Variants in SBF2 observed in about 807,000 individuals in gnomAD.
SBF2 encodes the protein SET binding factor 2, also known as myotubularin-related protein 13.
A neutral mutation model predicts 225.2 loss-of-function variants in SBF2; 112 were observed. That is an observed-to-expected ratio of 0.50 (90% CI 0.43 to 0.58). The LOEUF (loss-of-function observed/expected upper bound fraction) is 0.58. SBF2 is among the 20% of genes least tolerant of loss of function. The probability of loss-of-function intolerance (pLI) is 0.00; values close to 1 mark genes in which losing one functional copy is unlikely to be tolerated. For synonymous variants in SBF2, 763 were observed against 773.3 expected (o/e 0.99, Z 0.22); for missense variants, 1,996 against 2,206.2 (o/e 0.90, Z 1.91).
At chr11:9,923,418 A>G (rs1863785363) in intron 16 of SBF2, among the ~76,000 whole-genome samples, 1 of 152,232 alleles carries the variant, frequency 6.6e-6, no homozygotes, top group African/African-American at 2.4e-5. Context: ...ACAGTGAGAC[A>G]AACTTTAGGG....
intron 2 of SBF2, among the ~76,000 whole-genome samples, chr11:10,126,689 T>C (rs575756087): frequency 6.6e-6 from 1 of 152,182 alleles, no homozygotes; most frequent in Non-Finnish European, 1.5e-5. Context: ...TGGGTATATA[T>C]CCAAAAGAAC....
intron 3 of SBF2, among the ~76,000 whole-genome samples, chr11:10,033,785 T>G (rs1022062858): frequency 2.0e-5 from 3 of 152,134 alleles, no homozygotes; most frequent in African/African-American, 7.2e-5. Context: ...TAATTTATCA[T>G]GTCAGAGGAA....
At chr11:9,863,707 G>T (rs1435750230) in intron 17 of SBF2, among the ~76,000 whole-genome samples, 1 of 150,774 alleles carries the variant, frequency 6.6e-6, no homozygotes, top group Admixed American at 6.6e-5. Context: ...TCCAAAACCT[G>T]GCTTTATCAA....
intron 16 of SBF2, chr11:9,958,430 T>A (rs1866333103): frequency 6.7e-6 from 1 of 148,554 alleles, no homozygotes; most frequent in African/African-American, 2.5e-5. Context: ...CAATCTCGGC[T>A]CACTGCAGGC....
intron 1 of SBF2, chr11:10,302,873 G>A (rs184384938): frequency 3.3e-4 from 50 of 152,436 alleles, no homozygotes; most frequent in Non-Finnish European, 6.5e-4. Context: ...TCCAGACCAC[G>A]GGACCTTCCC....
In SBF2 at chr11:9,853,131, T is replaced by C. The variant is rs538993648; in HGVS notation, c.2537-382A>G. Among the ~76,000 whole-genome samples the C allele has an allele frequency of 3.7e-4, 56 of 152,290 alleles. No individual in the cohort carries two copies. In the South Asian group the frequency reaches 4.8e-3, roughly 13 times the overall value. ...CGTATGAACCTTGAAAACATTATAC[T>C]AAATGAAATAAACCAAACCCAAAAG... On this transcript the variant is annotated intron_variant, in intron 20 of 39. Transcript: ENST00000256190.
chr11:10,141,525 G>A (rs1954644631), intron 2 of SBF2, among the ~76,000 whole-genome samples: 1 of 152,086 alleles, frequency 6.6e-6, no homozygotes, highest in African/African-American at 2.4e-5. Flanking sequence ...CTGTATGAAC[G>A]CTAGAAATCA....
intron 1 of SBF2, among the ~76,000 whole-genome samples, chr11:10,270,887 G>T (rs1962425280): frequency 6.6e-6 from 1 of 151,212 alleles, no homozygotes; most frequent in Non-Finnish European, 1.5e-5. Context: ...CCCAGCTACT[G>T]GGGAGGCTGA....
chr11:10,026,919 T>C (rs1000192084), intron 6 of SBF2, among the ~76,000 whole-genome samples: 4 of 152,140 alleles, frequency 2.6e-5, no homozygotes, highest in Non-Finnish European at 2.9e-5. Context: ...GGCTTAACTA[T>C]GCTCAGTGAG....
At chr11:9,967,935 GTCTGTCTGTCTGTCTCTC>G (rs1330008321) in intron 14 of SBF2, among the ~76,000 whole-genome samples, 3 of 114,560 alleles carry the variant, frequency 2.6e-5, no homozygotes, top group Non-Finnish European at 3.7e-5. Flanking sequence ...CTGTCTGTCT[GTCTGTCTGTCTGTCTCTC>G]TCTCTCTCTC....
Position 9,816,862 on chromosome 11 carries a change from A to C in SBF2, c.3956T>G (p.Phe1319Cys), listed in dbSNP as rs2133911307. The part of the protein sequence containing the change: ...LLKRQAALYI[F>C]GEKSQLRNFK... ...TACCCTTAGTTGCGACTTTTCACCA[A>C]ATATGTAAAGGGCTGCTTGCCGTTT... Residue 1319 changes from phenylalanine to cysteine, a missense_variant, in exon 29 of 40, where the codon TTT becomes TGT. Transcript: ENST00000256190. 2 of 1,614,160 alleles carry C rather than the reference A, an allele frequency of 1.2e-6. No individual in the cohort carries two copies.
At chr11:9,892,540 T>C (rs1049962856) in intron 17 of SBF2, among the ~76,000 whole-genome samples, 2 of 151,018 alleles carry the variant, frequency 1.3e-5, no homozygotes, top group Non-Finnish European at 1.5e-5. Context: ...TTCTGTACTA[T>C]CTGGAAAATA....
At chr11:10,164,330 T>C (rs1329771266) in intron 2 of SBF2, among the ~76,000 whole-genome samples, 2 of 152,206 alleles carry the variant, frequency 1.3e-5, no homozygotes, top group East Asian at 3.8e-4. Flanking sequence ...ATTCACTTTA[T>C]TAATTTCAGT....
intron 17 of SBF2, among the ~76,000 whole-genome samples, chr11:9,861,411 C>A (rs922729436): frequency 6.6e-6 from 1 of 152,238 alleles, no homozygotes; most frequent in South Asian, 2.1e-4. Context: ...CGCCTGTAAT[C>A]CAAGCACTTT....
At chr11:9,970,344 C>T (rs1226559573) in intron 13 of SBF2, among the ~76,000 whole-genome samples, 6 of 151,924 alleles carry the variant, frequency 3.9e-5, no homozygotes, top group Non-Finnish European at 5.9e-5. Context: ...GGAGCTGGGA[C>T]AACAGGGCCC....
intron 2 of SBF2, among the ~76,000 whole-genome samples, chr11:10,057,909 A>C (rs1468600660): frequency 6.6e-6 from 1 of 152,122 alleles, no homozygotes; most frequent in Non-Finnish European, 1.5e-5. Context: ...TACCTCACTA[A>C]CATATCCCCC....
intron 32 of SBF2, among the ~76,000 whole-genome samples, chr11:9,796,644 G>C (rs2133873762): frequency 6.6e-6 from 1 of 152,268 alleles, no homozygotes; most frequent in South Asian, 2.1e-4. Context: ...TAAGATCCTG[G>C]GAAAGCAAGA....
At chr11:9,892,551 T>A (rs1330631310) in intron 17 of SBF2, among the ~76,000 whole-genome samples, 1 of 150,344 alleles carries the variant, frequency 6.7e-6, no homozygotes, top group Non-Finnish European at 1.5e-5. Flanking sequence ...CTGGAAAATA[T>A]ATATATATAT....
intron 1 of SBF2, among the ~76,000 whole-genome samples, chr11:10,229,202 T>C (rs1324018342): frequency 6.6e-6 from 1 of 152,172 alleles, no homozygotes; most frequent in East Asian, 1.9e-4. Context: ...TTGATTCTTC[T>C]CTCTTTTCTT....
Sources: allele counts gnomAD v4.1 joint callset (sites outside exome capture counted in the v4.1 genomes callset), GRCh38; gene constraint gnomAD v4.1.1; transcripts MANE v1.5; gene names NCBI Gene and HGNC (gene_info 2026-07-23, HGNC 2026-07-21).